The following SLC29A2 variants were observed in gnomAD, a reference collection of about 807,000 sequenced individuals.
The protein encoded by SLC29A2 is equilibrative nucleoside transporter 2.
SLC29A2 carries 37 observed loss-of-function variants against 48.8 expected under a neutral mutation model. The observed-to-expected ratio is 0.76, with a 90% CI of 0.58 to 1.00. SLC29A2 has a LOEUF of 1.00. Ranked by LOEUF, SLC29A2 falls within the 50% of genes least tolerant of loss-of-function variation. SLC29A2 has a pLI of 0.00. For missense variants in SLC29A2, 533 were observed against 578.6 expected (o/e 0.92, Z 0.81); for synonymous variants, 233 against 261.7 (o/e 0.89, Z 1.06).
In SLC29A2 at chr11:66,369,574, C is replaced by A. The variant is rs1397122492; in HGVS notation, c.112-42G>T. On this transcript the variant is annotated intron_variant, in intron 2 of 11. Transcript: ENST00000357440. ...TGGTGGAGGGTCAGCACCTCTCAGCCTTCCCCCGCTGCCTTCCCCCTCACT... is the reference window on the plus strand; with the variant it reads ...TGGTGGAGGGTCAGCACCTCTCAGCATTCCCCCGCTGCCTTCCCCCTCACT... 3.7e-6 allele frequency: 6 copies of A among 1,609,658 alleles called. No homozygotes were observed. In the African/African-American group the frequency reaches 8.0e-5, roughly 22 times the overall value.
chr11:66,368,955 G>T, intron 4 of SLC29A2, 105 bp downstream of exon 4: 2 of 1,417,736 alleles, frequency 1.4e-6, no homozygotes, highest in South Asian at 1.2e-5. Flanking sequence ...GGATATGAGC[G>T]ACCATGATGC....
intron 2 of SLC29A2, among the ~76,000 whole-genome samples, chr11:66,370,464 A>G (rs748356300): frequency 6.6e-6 from 1 of 152,256 alleles, no homozygotes; most frequent in African/African-American, 2.4e-5. Context: ...CCGGTCCCAA[A>G]GACAATGCAA....
At chr11:66,365,129 A>T (rs1032985829) in intron 10 of SLC29A2, among the ~76,000 whole-genome samples, 2 of 149,606 alleles carry the variant, frequency 1.3e-5, no homozygotes, top group African/African-American at 4.9e-5. Flanking sequence ...CTGGTCTCGA[A>T]CTCCTGACCT....
At position 66,365,927 on chromosome 11, in the gene SLC29A2, T is replaced by C; in HGVS notation, c.1059+9A>G. On this transcript the variant is annotated intron_variant, in intron 10 of 11. Transcript: ENST00000357440. ...AAAACATCGGATCACCCAGCCCTGG[T>C]GTGCTTACCCACAGGAAGTAAGAGG... is the stretch of plus-strand genomic sequence containing the variant. 4 of 1,612,400 alleles carry C rather than the reference T, an allele frequency of 2.5e-6. No homozygotes were observed. In the South Asian group the frequency reaches 4.4e-5, roughly 18 times the overall value.
At chr11:66,367,669 GA>G in intron 6 of SLC29A2, 102 bp downstream of exon 6, 1 of 1,467,400 alleles carries the variant, frequency 6.8e-7, no homozygotes, top group Non-Finnish European at 9.5e-7. Context: ...TCAGGGCTGA[GA>G]CCAGGTCTCC....
chr11:66,364,373 A>ACAGGAACC lies in SLC29A2; in HGVS notation c.1103_1110dup (p.Phe371GlyfsTer67). On this transcript the variant is annotated frameshift_variant, in exon 11 of 12. Coordinates refer to ENST00000357440, the MANE Select transcript of SLC29A2 (RefSeq NM_001532.3). LOFTEE classifies it high-confidence loss of function. ...TGGCACAGCATGAAGAGGGGCACGA[A>ACAGGAACC]CAGGAACCGCAGGCAGACCAGCAGG... The ACAGGAACC allele has an allele frequency of 6.2e-7, 1 of 1,614,056 alleles. No homozygotes were observed. Among genetic ancestry groups the ACAGGAACC allele is most frequent in the Non-Finnish European group, 8.5e-7 (1 of 1,179,996 alleles).
chr11:66,364,214 T>G lies in SLC29A2; in HGVS notation c.1259+11A>C. On this transcript the variant is annotated intron_variant, in intron 11 of 11. Coordinates refer to ENST00000357440, the MANE Select transcript of SLC29A2 (RefSeq NM_001532.3). ...ACTCCCAGCCCCCCACCCCACCCCA[T>G]TGCCCCGGACCTGGGCGCCAGGCAC... 4.0e-5 allele frequency: 31 copies of G among 783,934 alleles called. No homozygotes were observed. Among genetic ancestry groups the G allele is most frequent in the Middle Eastern group, 5.0e-4 (2 of 4,034 alleles). The allele number at this position is 783,934 out of a possible 1,614,324, so 48.6% of individuals were successfully genotyped here.
rs1288629322 is a variant in SLC29A2 at position 66,369,544 on chromosome 11, G to A, written c.112-12C>T. On this transcript the variant is annotated splice_polypyrimidine_tract_variant and intron_variant, in intron 2 of 11. Transcript: ENST00000357440. ...CGCGCCTGGAAGTACTGCCAGGTGGGGAGGTGGTGGAGGGTCAGCACCTCT... is the reference window on the plus strand; with the variant it reads ...CGCGCCTGGAAGTACTGCCAGGTGGAGAGGTGGTGGAGGGTCAGCACCTCT... 4.3e-6 allele frequency: 7 copies of A among 1,613,558 alleles called. No individual in the cohort carries two copies. Among genetic ancestry groups the A allele is most frequent in the Non-Finnish European group, 5.9e-6 (7 of 1,179,836 alleles).
rs1253964020 is a variant in SLC29A2, at chr11:66,369,049, G to A, written c.415+11C>T. On this transcript the variant is annotated intron_variant, in intron 4 of 11. Coordinates refer to ENST00000357440, the MANE Select transcript of SLC29A2 (RefSeq NM_001532.3). ...GCATAGGCTGGCTGGAGAGGGGGTG[G>A]AGGTGCTCACAGTTGATGAAGCAGA... is the stretch of plus-strand genomic sequence containing the variant. 17 of 1,596,276 alleles carry A rather than the reference G, an allele frequency of 1.1e-5. No individual in the cohort carries two copies. Among genetic ancestry groups the A allele is most frequent in the Admixed American group, 1.7e-5 (1 of 57,604 alleles).
At position 66,368,494 on chromosome 11, in the gene SLC29A2, C is replaced by T. The variant is rs542521970; in HGVS notation, c.550+43G>A. 16 of 1,612,602 alleles carry T rather than the reference C, an allele frequency of 9.9e-6. No homozygotes were observed. The South Asian group carries it at 1.3e-4, about 13-fold the overall frequency. On this transcript the variant is annotated intron_variant, in intron 5 of 11. Coordinates refer to ENST00000357440, the MANE Select transcript of SLC29A2 (RefSeq NM_001532.3). ...CACATGCCCTCTCTCTTCCCCAAAC[C>T]TCAGAGGCCACCCCAGCCCTCCAGC...
chr11:66,371,651 G>T lies in SLC29A2; in HGVS notation c.-60C>A, dbSNP rs1014333684. 62 of 1,515,850 alleles carry T rather than the reference G, an allele frequency of 4.1e-5. No homozygotes were observed. In the African/African-American group the frequency reaches 6.2e-4, roughly 15 times the overall value. 93.9% of individuals were successfully genotyped at this position (1,515,850 alleles called of 1,614,324 possible). A position where few individuals can be genotyped will look rare whatever the true frequency, so the allele number is the denominator to read the frequency against. ...GCAGAGAAGCCGCACCTGCACCTGC[G>T]CTGGGGCGGAGGGCCGCAGACCGGT... On this transcript the variant is annotated 5_prime_UTR_variant, in exon 1 of 12. Transcript: ENST00000357440.
chr11:66,364,401 C>G lies in SLC29A2; in HGVS notation c.1083G>C (p.Leu361=), dbSNP rs552024233. The G allele has an allele frequency of 6.2e-7, 1 of 1,612,920 alleles. No individual in the cohort carries two copies. Among genetic ancestry groups the G allele is most frequent in the South Asian group, 1.1e-5 (1 of 90,856 alleles). ...GGAACCGCAGGCAGACCAGCAGGGG[C>G]AGCAGCCGGCTGTCCTCGTCTGGCT... is the stretch of plus-strand genomic sequence containing the variant. ...FLWPDEDSRL[L]PLLVCLRFLF... Residue 361 remains leucine, a synonymous_variant, in exon 11 of 12, where the codon CTG becomes CTC. Coordinates refer to ENST00000357440, the MANE Select transcript of SLC29A2 (RefSeq NM_001532.3).
intron 1 of SLC29A2, 31 bp downstream of exon 1, chr11:66,371,532 G>A (rs1391057636): frequency 5.8e-6 from 9 of 1,549,854 alleles, no homozygotes; most frequent in Non-Finnish European, 7.8e-6. Flanking sequence ...CAACGCCCCC[G>A]GCCACTTGCA....
At position 66,363,558 on chromosome 11, in the gene SLC29A2, C is replaced by G. The variant is rs745322770; in HGVS notation, c.1260-11G>C. On this transcript the variant is annotated splice_polypyrimidine_tract_variant and intron_variant, in intron 11 of 11. Transcript: ENST00000357440. ...TGTGGCAGCACCTGCCTAGAACACC[C>G]GGGAACAGGAGCTCTTAGAAAATGC... is the stretch of plus-strand genomic sequence containing the variant. The G allele has an allele frequency of 7.5e-6, 12 of 1,598,766 alleles. No individual in the cohort carries two copies. The highest frequency in any genetic ancestry group is 6.8e-5 in the Admixed American group (4 of 58,996).
rs756740842 is a variant in SLC29A2 at position 66,369,521 on chromosome 11, C to T, written c.123G>A (p.Ala41=). 7 of 1,613,828 alleles carry T rather than the reference C, an allele frequency of 4.3e-6. No homozygotes were observed. Among genetic ancestry groups the T allele is most frequent in the East Asian group, 2.2e-5 (1 of 44,882 alleles). The change falls in exon 3 of 12, where the codon GCG becomes GCA. Residue 41 remains alanine (A), a synonymous_variant. Transcript: ENST00000357440. ...FFITAIPYFQ[A]RLAGAGNSTA... Reference sequence around the variant, plus strand: ...TGCTGTTGCCGGCCCCGGCCAGTCGCGCCTGGAAGTACTGCCAGGTGGGGA... The same window carrying T: ...TGCTGTTGCCGGCCCCGGCCAGTCGTGCCTGGAAGTACTGCCAGGTGGGGA...
At chr11:66,370,989 G>A (rs1327576876) in intron 2 of SLC29A2, among the ~76,000 whole-genome samples, 2 of 152,132 alleles carry the variant, frequency 1.3e-5, no homozygotes, top group Non-Finnish European at 2.9e-5. Context: ...GACACACAGA[G>A]AGGGGTGGCA....
At chr11:66,365,051 G>A (rs1367788350) in intron 10 of SLC29A2, among the ~76,000 whole-genome samples, 1 of 151,596 alleles carries the variant, frequency 6.6e-6, no homozygotes, top group Non-Finnish European at 1.5e-5. Flanking sequence ...GGGATTACAG[G>A]TGTGCACCAC....
At chr11:66,371,402 T>G in intron 1 of SLC29A2, 77 bp from the exon 2 acceptor site, 1 of 1,557,830 alleles carries the variant, frequency 6.4e-7, no homozygotes, top group Non-Finnish European at 8.8e-7. Context: ...GGCCACCCCC[T>G]CCGGAGCGGA....
intron 1 of SLC29A2, 66 bp downstream of exon 1, chr11:66,371,497 G>C (rs372681984): frequency 4.6e-6 from 7 of 1,534,108 alleles, no homozygotes; most frequent in Non-Finnish European, 5.3e-6. Context: ...TCTGAGCCTC[G>C]GAGCGCCTTC....
Sources: gnomAD v4.1 joint callset for allele counts (sites outside exome capture counted in the v4.1 genomes callset) on GRCh38, gnomAD v4.1.1 for gene constraint, MANE v1.5 for transcripts, NCBI Gene and HGNC (gene_info 2026-07-23, HGNC 2026-07-21) for gene names.